The following ATAD3A variants were observed in gnomAD, a reference collection of about 807,000 sequenced individuals.
The protein encoded by ATAD3A is ATPase family AAA domain-containing protein 3A.
A neutral mutation model predicts 73.8 loss-of-function variants in ATAD3A; 46 were observed. The ratio of observed to expected loss-of-function variants is 0.62; its 90% CI spans 0.49 to 0.80. ATAD3A has a LOEUF of 0.80. ATAD3A is among the 30% of genes least tolerant of loss of function. ATAD3A has a pLI of 0.00. For synonymous variants in ATAD3A, 319 were observed against 350.0 expected (o/e 0.91, Z 0.99); for missense variants, 705 against 838.0 (o/e 0.84, Z 1.96).
chr1:1,533,842 C>T (rs1296287514), intron 15 of ATAD3A, 84 bp from the exon 16 acceptor site: 4 of 1,507,916 alleles, frequency 2.7e-6, no homozygotes, highest in Admixed American at 2.1e-5. Context: ...CTGGTTTGGT[C>T]CCTCCCCACC....
chr1:1,520,355 G>A lies in ATAD3A; in HGVS notation c.680+49G>A, dbSNP rs768358804. The A allele has an allele frequency of 1.9e-6, 3 of 1,602,210 alleles. No homozygotes were observed. The highest frequency in any genetic ancestry group is 2.2e-5 in the East Asian group (1 of 44,640). ...CGGCCACAGATGGAGCCCCGCAGGT[G>A]TGAGTCGCTGGTCCCAGGGCGCTCT... is the stretch of plus-strand genomic sequence containing the variant. On this transcript the variant is annotated intron_variant, in intron 6 of 15. Transcript: ENST00000378756. This position sits in a 1 kb window ranked among gnomAD's most constrained non-coding sequence, Gnocchi z 4.0.
Position 1,517,342 on chromosome 1 carries a change from G to C in ATAD3A, c.314G>C (p.Ser105Thr). Residue 105 changes from serine to threonine, a missense_variant, in exon 3 of 16, where the codon AGC becomes ACC. Ser to Thr is a moderately conservative substitution (Grantham distance 58). Around this residue, in one of 5 missense-constraint regions of ATAD3A, gnomAD observed 125 missense variants for 170.6 expected, o/e 0.73. Coordinates refer to ENST00000378756, the MANE Select transcript of ATAD3A (RefSeq NM_001170535.3). ...EYEAAVEQLK[S>T]EQIRAQAEER... ...GAGGCCGCCGTGGAGCAGCTCAAGA[G>C]CGAGCAGATCCGGGCGCAGGCTGAG... 2.6e-6 allele frequency: 4 copies of C among 1,543,646 alleles called. No homozygotes were observed. The highest frequency in any genetic ancestry group is 3.5e-6 in the Non-Finnish European group (4 of 1,146,090).
Position 1,534,032 on chromosome 1 carries a change from C to T in ATAD3A, c.1721C>T (p.Ala574Val), listed in dbSNP as rs145341309. 1,047 of 1,613,536 alleles carry T rather than the reference C, an allele frequency of 6.5e-4. 11 individuals are homozygous for T. In the African/African-American group the frequency reaches 9.4e-3, roughly 14 times the overall value. The stretch of plus-strand genomic sequence containing the variant: ...CAGCAGAAGATGTGCTGGCTGAAGG[C>T]GGAAGGGCCTGGGCGTGGGGACGAG... The part of the protein sequence containing the change: ...QHQQKMCWLK[A>V]EGPGRGDEPS... Residue 574 changes from alanine (A) to valine (V), a missense_variant, in exon 16 of 16, where the codon GCG becomes GTG. By Grantham distance (64) the Ala-to-Val change is moderately conservative (BLOSUM62 0). Coordinates refer to ENST00000378756, the MANE Select transcript of ATAD3A (RefSeq NM_001170535.3).
intron 7 of ATAD3A, among the ~76,000 whole-genome samples, chr1:1,521,133 T>TA (rs1052470976): frequency 2.1e-4 from 32 of 150,904 alleles, no homozygotes; most frequent in African/African-American, 5.4e-4. Context: ...CCGTCTCTAC[T>TA]AAAAAAATAC....
chr1:1,525,239 G>GC lies in ATAD3A; in HGVS notation c.1216dup (p.Leu406ProfsTer7), dbSNP rs1641763874. The GC allele has an allele frequency of 1.2e-6, 2 of 1,613,724 alleles. No individual in the cohort carries two copies. Among genetic ancestry groups the GC allele is most frequent in the African/African-American group, 2.7e-5 (2 of 74,884 alleles). On this transcript the variant is annotated frameshift_variant and splice_region_variant. Transcript: ENST00000378756. LOFTEE classifies it high-confidence loss of function. ...CTGCTTGGCCTCCCTCTCGTTCACA[G>GC]CCTCCTGCTCTTTGTGGATGAAGCG... is the stretch of plus-strand genomic sequence containing the variant.
rs775516601 is a variant in ATAD3A, at chr1:1,520,137, G to A, written c.515-4G>A. On this transcript the variant is annotated splice_polypyrimidine_tract_variant and splice_region_variant and intron_variant, in intron 5 of 15. Coordinates refer to ENST00000378756, the MANE Select transcript of ATAD3A (RefSeq NM_001170535.3). The surrounding 1 kb of genome is among the most constrained non-coding windows in gnomAD (Gnocchi z 4.0). The stretch of plus-strand genomic sequence containing the variant: ...TGCTGAGCTGCCCTGCCTCTCTGGG[G>A]CAGCCACCGTGGAGCGGGAGATGGA... 2 of 1,609,066 alleles carry A rather than the reference G, an allele frequency of 1.2e-6. No homozygotes were observed. Among genetic ancestry groups the A allele is most frequent in the Admixed American group, 1.7e-5 (1 of 59,672 alleles).
Position 1,512,239 on chromosome 1 carries a change from G to A in ATAD3A, c.-30G>A. 3 of 1,276,614 alleles carry A rather than the reference G, an allele frequency of 2.3e-6. No homozygotes were observed. Among genetic ancestry groups the A allele is most frequent in the Non-Finnish European group, 3.0e-6 (3 of 1,006,902 alleles). The allele number at this position is 1,276,614 out of a possible 1,614,324, so 79.1% of individuals were successfully genotyped here. A position where few individuals can be genotyped will look rare whatever the true frequency, so the allele number is the denominator to read the frequency against. ...CGAGTCAGACTCGGGTGGGGGTCCC[G>A]GCGGCGGTAGCGGCGGCGGCGGTGC... is the stretch of plus-strand genomic sequence containing the variant. On this transcript the variant is annotated 5_prime_UTR_variant, in exon 1 of 16. Transcript: ENST00000378756.
At chr1:1,518,851 C>T (rs1641483318) in intron 4 of ATAD3A, 70 bp from the exon 5 acceptor site, 2 of 1,604,674 alleles carry the variant, frequency 1.2e-6, no homozygotes, top group Admixed American at 1.7e-5. Context: ...CGGGCACAGT[C>T]ATCCCCCGCA....
chr1:1,517,167 A>T, intron 2 of ATAD3A, 144 bp from the exon 3 acceptor site: 1 of 1,549,054 alleles, frequency 6.5e-7, no homozygotes, highest in South Asian at 1.2e-5. Flanking sequence ...CTGGGTGCAG[A>T]TGCGGCTGGA....
In ATAD3A at chr1:1,523,728, T is replaced by C; in HGVS notation, c.964-111T>C. 1 of 1,589,258 alleles carries C rather than the reference T, an allele frequency of 6.3e-7. No homozygotes were observed. Among genetic ancestry groups the C allele is most frequent in the Non-Finnish European group, 8.6e-7 (1 of 1,166,190 alleles). On this transcript the variant is annotated intron_variant, in intron 9 of 15. Coordinates refer to ENST00000378756, the MANE Select transcript of ATAD3A (RefSeq NM_001170535.3). The surrounding 1 kb of genome is among the most constrained non-coding windows in gnomAD (Gnocchi z 5.1). ...GGGGATAGATAGGCTGCCCCTGAGG[T>C]GGGAGGCTTCCCGAGGAGCCGAGTC...
At position 1,512,356 on chromosome 1, in the gene ATAD3A, G is replaced by T. The variant is rs1213859231; in HGVS notation, c.88G>T (p.Glu30Ter). Residue 30 changes from glutamate (E) to a stop codon, truncating the protein, a stop_gained, in exon 1 of 16, where the codon GAG becomes TAG. Transcript: ENST00000378756. LOFTEE classifies it high-confidence loss of function. ...PPLPPAQPGA[E>*]GGGDRGLGDR... ...TTTGCCGCCCGCGCAGCCCGGGGCC[G>T]AGGGCGGCGGGGACCGCGGGTTGGG... The T allele has an allele frequency of 8.0e-7, 1 of 1,243,270 alleles. No individual in the cohort carries two copies. Among genetic ancestry groups the T allele is most frequent in the Non-Finnish European group, 1.0e-6 (1 of 989,426 alleles). 77.0% of individuals were successfully genotyped at this position (1,243,270 alleles called of 1,614,324 possible). A position where few individuals can be genotyped will look rare whatever the true frequency, so the allele number is the denominator to read the frequency against.
At chr1:1,529,813 G>A (rs1365280786) in intron 15 of ATAD3A, among the ~76,000 whole-genome samples, 1 of 152,208 alleles carries the variant, frequency 6.6e-6, no homozygotes, top group African/African-American at 2.4e-5. Context: ...TGTTCTTCGG[G>A]GACACCCCTC....
chr1:1,521,704 G>T (rs763519418), intron 7 of ATAD3A, among the ~76,000 whole-genome samples: 3 of 152,336 alleles, frequency 2.0e-5, no homozygotes, highest in Non-Finnish European at 2.9e-5. Context: ...GATGACTTTT[G>T]TTTGTTTGTT....
intron 10 of ATAD3A, 45 bp downstream of exon 10, chr1:1,524,009 C>T: frequency 6.2e-7 from 1 of 1,612,718 alleles, no homozygotes; most frequent in Non-Finnish European, 8.5e-7. Context: ...CCGCTGGGGT[C>T]TCACCTGCCT....
chr1:1,523,844 C>T lies in ATAD3A; in HGVS notation c.969C>T (p.Ser323=). The change falls in exon 10 of 16, where the codon AGC becomes AGT. Residue 323 remains serine, a synonymous_variant. Transcript: ENST00000378756. The surrounding 1 kb of genome is among the most constrained non-coding windows in gnomAD (Gnocchi z 5.1). ...DALEGVVLSP[S]LEARVRDIAI... ...ACCCCCGTCTTCCCCGGCAGCCCAG[C>T]CTGGAAGCACGGGTGCGCGACATCG... 1.2e-6 allele frequency: 2 copies of T among 1,613,966 alleles called. No homozygotes were observed. Among genetic ancestry groups the T allele is most frequent in the Middle Eastern group, 1.6e-4 (1 of 6,062 alleles).
At chr1:1,530,302 C>G (rs1325731700) in intron 15 of ATAD3A, among the ~76,000 whole-genome samples, 10 of 151,514 alleles carry the variant, frequency 6.6e-5, no homozygotes, top group Admixed American at 3.9e-4. Flanking sequence ...TTTGGGGAGG[C>G]CAAGTTAGAT....
intron 15 of ATAD3A, among the ~76,000 whole-genome samples, chr1:1,529,765 C>T (rs887235272): frequency 1.3e-5 from 2 of 152,234 alleles, no homozygotes; most frequent in African/African-American, 2.4e-5. Context: ...CTGCTTGACA[C>T]ATGGGTGGGA....
intron 5 of ATAD3A, 146 bp from the exon 6 acceptor site, chr1:1,519,995 G>A (rs1179186310): frequency 2.4e-5 from 34 of 1,408,658 alleles, no homozygotes; most frequent in African/African-American, 2.4e-4. Context: ...TGTCCATGGC[G>A]TGGGCCGGTC....
chr1:1,522,419 C>T (rs750123729), intron 7 of ATAD3A, among the ~76,000 whole-genome samples: 5 of 152,228 alleles, frequency 3.3e-5, no homozygotes, highest in African/African-American at 4.8e-5. Context: ...TTTTTAGTGG[C>T]CAAGAATGTA....
Sources: gnomAD v4.1 joint callset for allele counts (sites outside exome capture counted in the v4.1 genomes callset) on GRCh38, gnomAD v4.1.1 for gene constraint, gnomAD v4.1.1 regional missense constraint, Gnocchi (gnomAD v3.1) non-coding constraint, MANE v1.5 for transcripts, NCBI Gene and HGNC (gene_info 2026-07-23, HGNC 2026-07-21) for gene names.